Variants in UFL1 observed in about 807,000 individuals in gnomAD.
UFL1 encodes E3 UFM1-protein ligase 1.
Under a neutral mutation model 99.3 loss-of-function variants are expected in UFL1, and 78 were observed. That is an observed-to-expected ratio of 0.79 (90% CI 0.65 to 0.95). The LOEUF is 0.95. Among genes scored for constraint, UFL1 ranks in the 40% least tolerant of loss-of-function variants. The probability of loss-of-function intolerance (pLI) is 0.00; values close to 1 mark genes in which losing one functional copy is unlikely to be tolerated. For synonymous variants in UFL1, 335 were observed against 322.2 expected (o/e 1.04, Z -0.42); for missense variants, 936 against 937.0 (o/e 1.00, Z 0.01).
chr6:96,534,736 T>A (rs766532064), intron 7 of UFL1, among the ~76,000 whole-genome samples: 5 of 151,940 alleles, frequency 3.3e-5, no homozygotes, highest in Non-Finnish European at 7.4e-5. Flanking sequence ...AGTATATTCT[T>A]ATCATTCAAA....
At position 96,554,937 on chromosome 6, in the gene UFL1, T is replaced by C. The variant is rs1770134276; in HGVS notation, c.*1434T>C. ...TCTAAAATATTGAACACCCAGACTTTTAATTCAACCTTTAAGAACCTTATC... is the reference window on the plus strand; with the variant it reads ...TCTAAAATATTGAACACCCAGACTTCTAATTCAACCTTTAAGAACCTTATC... On this transcript the variant is annotated 3_prime_UTR_variant, in exon 19 of 19. Coordinates refer to ENST00000369278, the MANE Select transcript of UFL1 (RefSeq NM_015323.5). 6.6e-6 allele frequency: 1 copy of C among 152,622 alleles called. No individual in the cohort carries two copies. 9.5% of individuals were successfully genotyped at this position (152,622 alleles called of 1,614,324 possible).
intron 5 of UFL1, 99 bp from the exon 6 acceptor site, chr6:96,528,403 G>C: frequency 7.3e-7 from 1 of 1,377,270 alleles, no homozygotes; most frequent in Non-Finnish European, 9.9e-7. Flanking sequence ...TCACATGACT[G>C]ATACCTCAGC....
chr6:96,523,121 AAAC>A, intron 1 of UFL1, 22 bp from the exon 2 acceptor site: 1 of 1,578,728 alleles, frequency 6.3e-7, no homozygotes, highest in South Asian at 1.2e-5. Context: ...TGGACTTTTG[AAAC>A]AACTTTTTTT....
At chr6:96,540,305 A>G (rs978181117) in intron 10 of UFL1, among the ~76,000 whole-genome samples, 1 of 151,470 alleles carries the variant, frequency 6.6e-6, no homozygotes, top group Admixed American at 6.6e-5. Flanking sequence ...GTGACAAGAT[A>G]GGATTTCTCA....
At chr6:96,542,073 A>G (rs1228603938) in intron 11 of UFL1, among the ~76,000 whole-genome samples, 1 of 151,202 alleles carries the variant, frequency 6.6e-6, no homozygotes, top group Non-Finnish European at 1.5e-5. Context: ...TTGAAGTAAT[A>G]TAATATAGTT....
Position 96,549,695 on chromosome 6 carries a change from C to T in UFL1, c.1714C>T (p.His572Tyr), listed in dbSNP as rs773045801. 5 of 1,611,660 alleles carry T rather than the reference C, an allele frequency of 3.1e-6. No individual in the cohort carries two copies. The highest frequency in any genetic ancestry group is 4.2e-6 in the Non-Finnish European group (5 of 1,178,724). ...ADDTQAALTKHLLKSVCTDIT... is the reference protein window; with the variant it reads ...ADDTQAALTKYLLKSVCTDIT... ...TGACACACAGGCTGCTCTTACCAAA[C>T]ACTTGCTGAAGTCAGTGTGTACTGA... The change falls in exon 15 of 19, where the codon CAC becomes TAC. Residue 572 changes from histidine to tyrosine, a missense_variant. By Grantham distance (83) the His-to-Tyr change is moderately conservative (BLOSUM62 2). Transcript: ENST00000369278.
At position 96,554,753 on chromosome 6, in the gene UFL1, C is replaced by G. The variant is rs1390418857; in HGVS notation, c.*1250C>G. On this transcript the variant is annotated 3_prime_UTR_variant, in exon 19 of 19. Transcript: ENST00000369278. ...TAGTGAAAGTAATTAATTAAATTGC[C>G]AACTTGGCATTATTATTAAACTTGA... The G allele has an allele frequency of 6.6e-6, 1 of 152,408 alleles. No individual in the cohort carries two copies. The highest frequency in any genetic ancestry group is 1.5e-5 in the Non-Finnish European group (1 of 67,972). 9.4% of individuals were successfully genotyped at this position (152,408 alleles called of 1,614,324 possible).
rs1769855170 is a variant in UFL1 at position 96,536,403 on chromosome 6, T to C, written c.802+13T>C. 6.3e-7 allele frequency: 1 copy of C among 1,589,788 alleles called. No individual in the cohort carries two copies. The highest frequency in any genetic ancestry group is 8.6e-7 in the Non-Finnish European group (1 of 1,164,654). Reference sequence around the variant, plus strand: ...AATGGCTATCTAGGTAACTTTCTTATTTCTTTAAAACTAAAATTTATTTTT... The same window carrying C: ...AATGGCTATCTAGGTAACTTTCTTACTTCTTTAAAACTAAAATTTATTTTT... On this transcript the variant is annotated intron_variant, in intron 8 of 18. Transcript: ENST00000369278.
At chr6:96,542,810 G>A (rs531978288) in intron 11 of UFL1, 84 bp from the exon 12 acceptor site, 3 of 1,284,780 alleles carry the variant, frequency 2.3e-6, no homozygotes, top group East Asian at 3.1e-5. Flanking sequence ...CTGCTGTAAA[G>A]TTAAATACAA....
At chr6:96,532,341 G>A (rs1165005003) in intron 6 of UFL1, among the ~76,000 whole-genome samples, 1 of 152,154 alleles carries the variant, frequency 6.6e-6, no homozygotes, top group Non-Finnish European at 1.5e-5. Context: ...ACAATTATAA[G>A]GTAAACAAAG....
rs756158956 is a variant in UFL1 at position 96,542,901 on chromosome 6, T to C, written c.1287T>C (p.Ser429=). The change falls in exon 12 of 19, where the codon AGT becomes AGC. Residue 429 remains serine, a synonymous_variant. Transcript: ENST00000369278. ...ATGTCATTTTCCCACCAGAGGGCAG[T>C]GGAAGCATGAGAGGAGGAGGTGGGG... ...DERRRKATEG[S]GSMRGGGGGN... The C allele has an allele frequency of 1.3e-6, 2 of 1,579,352 alleles. No individual in the cohort carries two copies. Among genetic ancestry groups the C allele is most frequent in the South Asian group, 2.4e-5 (2 of 83,838 alleles).
chr6:96,548,368 A>G lies in UFL1; in HGVS notation c.1520+87A>G, dbSNP rs3734239. On this transcript the variant is annotated intron_variant, in intron 13 of 18. Transcript: ENST00000369278. ...TTTTTTCCAAGATCATAGAAAGCAAATGTATTAGATATTTTCATTTCAAAC... is the reference window on the plus strand; with the variant it reads ...TTTTTTCCAAGATCATAGAAAGCAAGTGTATTAGATATTTTCATTTCAAAC... 0.18 allele frequency: 152,565 copies of G among 830,216 alleles called. 14,240 individuals are homozygous for G. The highest frequency in any genetic ancestry group is 0.23 in the Middle Eastern group (630 of 2,682). The allele number at this position is 830,216 out of a possible 1,614,324, so 51.4% of individuals were successfully genotyped here. A position where few individuals can be genotyped will look rare whatever the true frequency, so the allele number is the denominator to read the frequency against.
chr6:96,540,803 G>A, intron 11 of UFL1, 148 bp downstream of exon 11: 1 of 953,806 alleles, frequency 1.0e-6, no homozygotes, highest in Non-Finnish European at 1.5e-6. Flanking sequence ...TTTTGCTAAT[G>A]TGTTAAGTTT....
At chr6:96,525,472 A>G in intron 4 of UFL1, 78 bp downstream of exon 4, 1 of 1,018,454 alleles carries the variant, frequency 9.8e-7, no homozygotes, top group Non-Finnish European at 1.5e-6. Context: ...AATTTAGGCC[A>G]ATTATGGCCA....
chr6:96,552,987 C>T (rs1770104039), intron 18 of UFL1, among the ~76,000 whole-genome samples: 2 of 151,962 alleles, frequency 1.3e-5, no homozygotes, highest in Non-Finnish European at 2.9e-5. Context: ...AGCTAAAAAA[C>T]CCCTCAGCTA....
intron 6 of UFL1, among the ~76,000 whole-genome samples, chr6:96,532,653 G>A (rs1285610299): frequency 6.6e-6 from 1 of 152,146 alleles, no homozygotes; most frequent in Non-Finnish European, 1.5e-5. Flanking sequence ...TTCACTATGT[G>A]ATTTATTTAT....
At chr6:96,526,490 A>G in intron 5 of UFL1, 55 bp downstream of exon 5, 2 of 1,445,688 alleles carry the variant, frequency 1.4e-6, no homozygotes, top group Admixed American at 3.8e-5. Flanking sequence ...TTTTAAACGA[A>G]GACTTTGAAT....
At position 96,554,441 on chromosome 6, in the gene UFL1, C is replaced by A. The variant is rs746813839; in HGVS notation, c.*938C>A. On this transcript the variant is annotated 3_prime_UTR_variant, in exon 19 of 19. Transcript: ENST00000369278. ...AGAAGCTTTTTTCCAAAACTAGAAA[C>A]CCTTATTAAAAAATAGACATTTTTT... is the stretch of plus-strand genomic sequence containing the variant. 4 of 151,804 alleles carry A rather than the reference C, an allele frequency of 2.6e-5. No individual in the cohort carries two copies. The highest frequency in any genetic ancestry group is 5.9e-5 in the Non-Finnish European group (4 of 67,960). 9.4% of individuals were successfully genotyped at this position (151,804 alleles called of 1,614,324 possible). A position where few individuals can be genotyped will look rare whatever the true frequency, so the allele number is the denominator to read the frequency against.
chr6:96,524,543 C>A, intron 3 of UFL1, 133 bp downstream of exon 3: 1 of 556,416 alleles, frequency 1.8e-6, no homozygotes, highest in Non-Finnish European at 3.0e-6. Flanking sequence ...ATAAGCCTCG[C>A]TGATACACTG....
Sources: allele counts gnomAD v4.1 joint callset (sites outside exome capture counted in the v4.1 genomes callset), GRCh38; gene constraint gnomAD v4.1.1; transcripts MANE v1.5; gene names NCBI Gene and HGNC (gene_info 2026-07-23, HGNC 2026-07-21).